ELF2: variants seen among roughly 807,000 people sequenced by gnomAD.
The protein encoded by ELF2 is ETS-related transcription factor Elf-2.
ELF2 carries 11 observed loss-of-function variants against 54.8 expected under a neutral mutation model. The ratio of observed to expected loss-of-function variants is 0.20; its 90% CI spans 0.13 to 0.33. The LOEUF is 0.33. Among genes scored for constraint, ELF2 ranks in the 10% least tolerant of loss-of-function variants. The probability of loss-of-function intolerance (pLI) is 1.00; values close to 1 mark genes in which losing one functional copy is unlikely to be tolerated. For synonymous variants in ELF2, 203 were observed against 245.1 expected, an observed-to-expected ratio of 0.83 and a Z score of 1.61; for missense variants, 513 against 703.0, an observed-to-expected ratio of 0.73 and a Z score of 3.06.
intron 1 of ELF2, among the ~76,000 whole-genome samples, chr4:139,154,399 G>A (rs1740322510): frequency 6.6e-6 from 1 of 150,692 alleles, no homozygotes; most frequent in Admixed American, 6.6e-5. Context: ...TTAAATGAAT[G>A]TCATTTGATC....
At chr4:139,104,906 T>C (rs966646679) in intron 4 of ELF2, among the ~76,000 whole-genome samples, 1 of 152,180 alleles carries the variant, frequency 6.6e-6, no homozygotes, top group African/African-American at 2.4e-5. Flanking sequence ...CCCTCACCTT[T>C]CCCCAACCCT....
chr4:139,149,130 CA>C (rs985528875), intron 1 of ELF2, among the ~76,000 whole-genome samples: 2 of 152,020 alleles, frequency 1.3e-5, no homozygotes, highest in Non-Finnish European at 2.9e-5. Flanking sequence ...GTAAGAAAAG[CA>C]AATAAACGGC....
chr4:139,060,361 T>C lies in ELF2; in HGVS notation c.1120A>G (p.Thr374Ala), dbSNP rs1449670571. The C allele has an allele frequency of 8.7e-6, 14 of 1,613,096 alleles. No homozygotes were observed. Among genetic ancestry groups the C allele is most frequent in the Admixed American group, 5.0e-5 (3 of 59,948 alleles). Residue 374 changes from threonine (T) to alanine (A), a missense_variant, in exon 9 of 10, where the codon ACT becomes GCT. This residue lies in a region of ELF2 where 291 missense variants were observed against 366.1 expected (regional missense o/e 0.79). Transcript: ENST00000686138. ...PGHDASSRSP[T>A]TTASVSATAA... ...GTTGCTGACACAGATGCAGTGGTAG[T>C]AGGAGACCTGGATGAAGCATCGTGC...
intron 1 of ELF2, among the ~76,000 whole-genome samples, chr4:139,144,752 G>A (rs1739060700): frequency 6.6e-6 from 1 of 152,192 alleles, no homozygotes; most frequent in Non-Finnish European, 1.5e-5. Flanking sequence ...CTTCTGTGAA[G>A]CAGAGGCAGC....
At chr4:139,176,347 A>C (rs1330832480) in intron 1 of ELF2, among the ~76,000 whole-genome samples, 2 of 152,156 alleles carry the variant, frequency 1.3e-5, no homozygotes, top group African/African-American at 4.8e-5. Flanking sequence ...CGGGAAGGAA[A>C]GGTAAGCGGC....
intron 4 of ELF2, among the ~76,000 whole-genome samples, chr4:139,083,656 G>C (rs1300511460): frequency 6.6e-6 from 1 of 152,248 alleles, no homozygotes; most frequent in Non-Finnish European, 1.5e-5. Flanking sequence ...GAACCGAGCG[G>C]GGGTGGCGAG....
At chr4:139,135,279 G>GTGTGTGTATA (rs373283677) in intron 3 of ELF2, among the ~76,000 whole-genome samples, 3 of 136,504 alleles carry the variant, frequency 2.2e-5, no homozygotes, top group East Asian at 2.2e-4. Flanking sequence ...GTGTGTGTGT[G>GTGTGTGTATA]TATATATGAA....
rs773741035 is a variant in ELF2, at chr4:139,067,741, G to A, written c.556C>T (p.Pro186Ser). 6.2e-7 allele frequency: 1 copy of A among 1,602,232 alleles called. No individual in the cohort carries two copies. Among genetic ancestry groups the A allele is most frequent in the African/African-American group, 1.3e-5 (1 of 74,752 alleles). The stretch of plus-strand genomic sequence containing the variant: ...AACTCAGGAGACCCATTGGAAATTG[G>A]TGATTGCTGGGTCTTTGGTTTACGG... Reference protein sequence around the residue: ...VGRKPKTQQSPISNGSPELGI... With the variant: ...VGRKPKTQQSSISNGSPELGI... Residue 186 changes from proline (P) to serine (S), a missense_variant, in exon 7 of 10, where the codon CCA becomes TCA. Coordinates refer to ENST00000686138, the MANE Select transcript of ELF2 (RefSeq NM_001331036.3).
intron 4 of ELF2, chr4:139,116,674 T>C (rs756171916): frequency 7.6e-5 from 75 of 985,332 alleles, no homozygotes; most frequent in Non-Finnish European, 8.9e-5. Flanking sequence ...TCTGGCTCAA[T>C]CTGTTTCACC....
chr4:139,171,819 G>A (rs1742340908), intron 1 of ELF2, among the ~76,000 whole-genome samples: 1 of 152,172 alleles, frequency 6.6e-6, no homozygotes, highest in South Asian at 2.1e-4. Flanking sequence ...AGCTACTCGG[G>A]AGGCTGAGGC....
rs1219495246 is a variant in ELF2, at chr4:139,057,387, A to T, written c.*1596T>A. 6.6e-6 allele frequency: 1 copy of T among 152,236 alleles called. No individual in the cohort carries two copies. Among genetic ancestry groups the T allele is most frequent in the Non-Finnish European group, 1.5e-5 (1 of 68,038 alleles). The allele number at this position is 152,236 out of a possible 1,614,324, so 9.4% of individuals were successfully genotyped here. ...AATTAAAAGACAAAAAATATTATGTATGAGTTCATCTACATTTCTAAAACA... is the reference window on the plus strand; with the variant it reads ...AATTAAAAGACAAAAAATATTATGTTTGAGTTCATCTACATTTCTAAAACA... On this transcript the variant is annotated 3_prime_UTR_variant, in exon 10 of 10. Coordinates refer to ENST00000686138, the MANE Select transcript of ELF2 (RefSeq NM_001331036.3).
chr4:139,159,497 T>G (rs1740880782), intron 1 of ELF2, among the ~76,000 whole-genome samples: 1 of 152,162 alleles, frequency 6.6e-6, no homozygotes, highest in Non-Finnish European at 1.5e-5. Context: ...AGTGGCCAGA[T>G]GAGAAGGAGA....
intron 4 of ELF2, among the ~76,000 whole-genome samples, chr4:139,095,815 C>A (rs754580426): frequency 6.6e-6 from 1 of 152,040 alleles, no homozygotes; most frequent in African/African-American, 2.4e-5. Flanking sequence ...GAGGCCAAGG[C>A]GGGTGGATCA....
intron 1 of ELF2, among the ~76,000 whole-genome samples, chr4:139,157,924 G>A (rs550335153): frequency 2.0e-5 from 3 of 152,270 alleles, no homozygotes; most frequent in African/African-American, 4.8e-5. Context: ...GTCTGACTAC[G>A]GATCAGAAGA....
intron 4 of ELF2, among the ~76,000 whole-genome samples, chr4:139,120,393 T>C (rs1736193159): frequency 6.6e-6 from 1 of 152,192 alleles, no homozygotes. Context: ...CTGTCTCATC[T>C]TTCCCCCTAC....
At chr4:139,163,630 T>G (rs1390615023) in intron 1 of ELF2, among the ~76,000 whole-genome samples, 1 of 152,120 alleles carries the variant, frequency 6.6e-6, no homozygotes, top group Non-Finnish European at 1.5e-5. Context: ...ATTTTGTGTG[T>G]GGGCCAGACA....
At chr4:139,149,553 G>A (rs1739635533) in intron 1 of ELF2, among the ~76,000 whole-genome samples, 1 of 152,152 alleles carries the variant, frequency 6.6e-6, no homozygotes, top group South Asian at 2.1e-4. Context: ...GGCAGAGGTT[G>A]CAGTGAGCCA....
chr4:139,149,556 G>T (rs1030170151), intron 1 of ELF2, among the ~76,000 whole-genome samples: 1 of 152,200 alleles, frequency 6.6e-6, no homozygotes, highest in Non-Finnish European at 1.5e-5. Context: ...AGAGGTTGCA[G>T]TGAGCCAAGA....
At chr4:139,084,301 ACACT>A (rs201538310) in intron 4 of ELF2, 17,620 of 1,596,098 alleles carry the variant, frequency 0.011, 123 homozygotes, top group Non-Finnish European at 0.013. Flanking sequence ...CGACCGACAC[ACACT>A]CACGCACTCG....
Sources: allele counts gnomAD v4.1 joint callset (sites outside exome capture counted in the v4.1 genomes callset), GRCh38; gene constraint gnomAD v4.1.1; regional missense constraint gnomAD v4.1.1; transcripts MANE v1.5; gene names NCBI Gene and HGNC (gene_info 2026-07-23, HGNC 2026-07-21).